LTA4H: variants seen among roughly 807,000 people sequenced by gnomAD.
LTA4H encodes the protein leukotriene A4 hydrolase.
Under a neutral mutation model 89.8 loss-of-function variants are expected in LTA4H, and 59 were observed. That is an observed-to-expected ratio of 0.66 (90% CI 0.53 to 0.82). The LOEUF (loss-of-function observed/expected upper bound fraction) is 0.82. Among genes scored for constraint, LTA4H ranks in the 40% least tolerant of loss-of-function variants. The pLI is 0.00. For synonymous variants in LTA4H, 227 were observed against 253.1 expected, an observed-to-expected ratio of 0.90 and a Z score of 0.98; for missense variants, 617 against 727.0, an observed-to-expected ratio of 0.85 and a Z score of 1.74.
chr12:96,016,304 A>G (rs1950373452), intron 10 of LTA4H, among the ~76,000 whole-genome samples: 1 of 151,024 alleles, frequency 6.6e-6, no homozygotes, highest in Admixed American at 6.6e-5. Flanking sequence ...ATCTCAAAAA[A>G]AAAAAAAAAA....
Position 96,013,873 on chromosome 12 carries a change from GAAATC to G in LTA4H, c.1205-25_1205-21del. On this transcript the variant is annotated intron_variant, in intron 12 of 18. Transcript: ENST00000228740. ...AAATCTCTAAGAGTAAAAAAGAAAA[GAAATC>G]AATTCATAGAAAGGTAATTATTTGA... 9.3e-7 allele frequency: 1 copy of G among 1,076,720 alleles called. No individual in the cohort carries two copies. Among genetic ancestry groups the G allele is most frequent in the Non-Finnish European group, 1.4e-6 (1 of 714,732 alleles). The allele number at this position is 1,076,720 out of a possible 1,614,324, so 66.7% of individuals were successfully genotyped here.
intron 1 of LTA4H, among the ~76,000 whole-genome samples, chr12:96,033,118 TTTAAG>T (rs1374509561): frequency 6.6e-6 from 1 of 152,200 alleles, no homozygotes; most frequent in African/African-American, 2.4e-5. Flanking sequence ...TAATAAATTT[TTTAAG>T]TTTTTATTTT....
chr12:96,027,592 A>ATTATGGAATCCACATAAAAATATTAT, intron 2 of LTA4H, 28 bp from the exon 3 acceptor site: 1 of 1,434,200 alleles, frequency 7.0e-7, no homozygotes, highest in Non-Finnish European at 9.7e-7. Flanking sequence ...ATATATTAGT[A>ATTATGGAATCCACATAAAAATATTAT]GAGTATGATT....
At chr12:96,016,649 C>T (rs1204784812) in intron 10 of LTA4H, among the ~76,000 whole-genome samples, 1 of 148,462 alleles carries the variant, frequency 6.7e-6, no homozygotes, top group East Asian at 2.0e-4. Flanking sequence ...ACCTGTAATC[C>T]TAGCACTTTG....
intron 1 of LTA4H, among the ~76,000 whole-genome samples, chr12:96,034,200 C>G (rs1032628688): frequency 6.6e-6 from 1 of 152,204 alleles, no homozygotes; most frequent in Non-Finnish European, 1.5e-5. Context: ...GTAGATTTCA[C>G]CATGCTACAC....
chr12:96,014,945 C>T lies in LTA4H; in HGVS notation c.1114G>A (p.Asp372Asn). 1 of 1,613,632 alleles carries T rather than the reference C, an allele frequency of 6.2e-7. No individual in the cohort carries two copies. The highest frequency in any genetic ancestry group is 1.7e-4 in the Middle Eastern group (1 of 6,060). Residue 372 changes from aspartate to asparagine, a missense_variant, in exon 12 of 19, where the codon GAT (aspartate) becomes AAT (asparagine). Transcript: ENST00000228740. ...GAATAAGCTACATCAGGGTCTATAT[C>T]TGTCAGATCAACCACAAGTTTGGTG... ...PFTKLVVDLT[D>N]IDPDVAYSSV... is the part of the protein sequence containing the mutation.
At chr12:96,037,519 A>C (rs547379898), upstream of LTA4H, among the ~76,000 whole-genome samples, 22 of 152,032 alleles carry the variant, frequency 1.4e-4, no homozygotes, top group Non-Finnish European at 2.4e-4. Flanking sequence ...GAGAATGGGG[A>C]AGGTGGTGAT....
intron 4 of LTA4H, among the ~76,000 whole-genome samples, chr12:96,023,881 C>T (rs2540492): frequency 0.49 from 74,319 of 151,814 alleles, 19,884 homozygotes; most frequent in African/African-American, 0.72. Flanking sequence ...GTTCTTATTT[C>T]TAGATCCAGG....
chr12:96,003,692 A>G (rs545163346), intron 17 of LTA4H, 146 bp downstream of exon 17: 14 of 445,092 alleles, frequency 3.1e-5, no homozygotes, highest in Non-Finnish European at 5.2e-5. Flanking sequence ...CTTAAATACC[A>G]CTATAAGTAT....
At chr12:96,030,900 T>C (rs770945379) in intron 1 of LTA4H, among the ~76,000 whole-genome samples, 31 of 152,334 alleles carry the variant, frequency 2.0e-4, no homozygotes, top group Middle Eastern at 3.4e-3. Flanking sequence ...CTCTCTAGTC[T>C]CTTCATAGTC....
chr12:96,035,409 C>G lies in LTA4H; in HGVS notation c.111G>C (p.Gly37=). The G allele has an allele frequency of 6.2e-7, 1 of 1,611,364 alleles. No homozygotes were observed. The highest frequency in any genetic ancestry group is 8.5e-7 in the Non-Finnish European group (1 of 1,178,920). Residue 37 remains glycine (G), a synonymous_variant, in exon 1 of 19, where the codon GGG becomes GGC. Transcript: ENST00000228740. Reference sequence around the variant, plus strand: ...GAGACTGGACCGTGAGAGCAGCAGTCCCGGTCAGCGTCCGGCGAGTAAAGT... The same window carrying G: ...GAGACTGGACCGTGAGAGCAGCAGTGCCGGTCAGCGTCCGGCGAGTAAAGT... ...SVDFTRRTLT[G]TAALTVQSQE...
At chr12:96,012,874 T>A in intron 14 of LTA4H, 1 of 252,044 alleles carries the variant, frequency 4.0e-6, no homozygotes. Context: ...CTTATAACAG[T>A]GTTGTAATTA....
intron 1 of LTA4H, among the ~76,000 whole-genome samples, chr12:96,029,750 A>G (rs1318154171): frequency 6.6e-6 from 1 of 152,210 alleles, no homozygotes; most frequent in Non-Finnish European, 1.5e-5. Flanking sequence ...TGCTTTGGGC[A>G]TGAAGGAGTG....
chr12:96,000,769 T>A lies in LTA4H; in HGVS notation c.*220A>T, dbSNP rs1950085684. On this transcript the variant is annotated 3_prime_UTR_variant, in exon 19 of 19. Transcript: ENST00000228740. ...AAATTAATATAAAGCTAATTCAAAA[T>A]TTTTTAATTTGTAAATCAAAAGATT... 5.5e-6 allele frequency: 2 copies of A among 365,096 alleles called. No homozygotes were observed. The highest frequency in any genetic ancestry group is 2.1e-5 in the African/African-American group (1 of 48,764). The allele number at this position is 365,096 out of a possible 1,614,324, so 22.6% of individuals were successfully genotyped here.
intron 1 of LTA4H, among the ~76,000 whole-genome samples, chr12:96,042,827 A>C (rs1950697979): frequency 6.6e-6 from 1 of 152,198 alleles, no homozygotes; most frequent in Non-Finnish European, 1.5e-5. Flanking sequence ...GGCCACGAGA[A>C]ACAGCAGCCT....
chr12:96,019,213 C>A lies in LTA4H; in HGVS notation c.666G>T (p.Trp222Cys). ...ACTTTTCCACCTGCTCTTTCTCAGA[C>A]CACACCAAAGTTCTTGGGCCAATTT... Reference protein sequence around the residue: ...SRQIGPRTLVWSEKEQVEKSA... With the variant: ...SRQIGPRTLVCSEKEQVEKSA... The change falls in exon 7 of 19, where the codon TGG becomes TGT. Residue 222 changes from tryptophan to cysteine, a missense_variant. Around this residue, in one of 3 missense-constraint regions of LTA4H, gnomAD observed 172 missense variants for 244.5 expected, o/e 0.70. Transcript: ENST00000228740. 1 of 1,612,782 alleles carries A rather than the reference C, an allele frequency of 6.2e-7. No homozygotes were observed. The highest frequency in any genetic ancestry group is 1.1e-5 in the South Asian group (1 of 90,658).
intron 4 of LTA4H, 97 bp downstream of exon 4, chr12:96,024,382 T>C: frequency 2.9e-6 from 2 of 682,930 alleles, no homozygotes; most frequent in South Asian, 2.2e-5. Flanking sequence ...GAAAAATAAT[T>C]CTAGCTCTAG....
Position 96,020,898 on chromosome 12 carries a change from G to A in LTA4H, c.638+187C>T, listed in dbSNP as rs1280488485. 9 of 528,570 alleles carry A rather than the reference G, an allele frequency of 1.7e-5. No individual in the cohort carries two copies. The East Asian group carries it at 2.5e-4, about 15-fold the overall frequency. 32.7% of individuals were successfully genotyped at this position (528,570 alleles called of 1,614,324 possible). A position where few individuals can be genotyped will look rare whatever the true frequency, so the allele number is the denominator to read the frequency against. ...TTTACAATACTTGAAAAAATAAGGG[G>A]TAACTGGTCAAGATTTTTAAATGTA... On this transcript the variant is annotated intron_variant, in intron 6 of 18. Coordinates refer to ENST00000228740, the MANE Select transcript of LTA4H (RefSeq NM_000895.3).
rs545620028 is a variant in LTA4H, at chr12:96,009,363, C to T, written c.1380-215G>A. The T allele has an allele frequency of 2.6e-4, 140 of 530,768 alleles. 2 individuals are homozygous for T. The South Asian group carries it at 3.2e-3, about 12-fold the overall frequency. 32.9% of individuals were successfully genotyped at this position (530,768 alleles called of 1,614,324 possible). A position where few individuals can be genotyped will look rare whatever the true frequency, so the allele number is the denominator to read the frequency against. ...AAATGGATACCACATTAATGAAACACCCATCTATCTTTTAGAAAGAATGCC... is the reference window on the plus strand; with the variant it reads ...AAATGGATACCACATTAATGAAACATCCATCTATCTTTTAGAAAGAATGCC... On this transcript the variant is annotated intron_variant, in intron 14 of 18. Transcript: ENST00000228740.
Sources: allele counts gnomAD v4.1 joint callset (sites outside exome capture counted in the v4.1 genomes callset), GRCh38; gene constraint gnomAD v4.1.1; regional missense constraint gnomAD v4.1.1; transcripts MANE v1.5; gene names NCBI Gene and HGNC (gene_info 2026-07-23, HGNC 2026-07-21).